The following PKNOX1 variants were observed in gnomAD, a reference collection of about 807,000 sequenced individuals.
PKNOX1 encodes homeobox protein PKNOX1.
PKNOX1 carries 15 observed loss-of-function variants against 51.9 expected under a neutral mutation model. That is an observed-to-expected ratio of 0.29 (90% confidence interval 0.19 to 0.45). The LOEUF (loss-of-function observed/expected upper bound fraction) is 0.45, where lower values mean the gene tolerates loss of function less well. PKNOX1 is among the 20% of genes least tolerant of loss of function. PKNOX1 has a pLI of 1.00. For missense variants in PKNOX1, 462 were observed against 547.5 expected (o/e 0.84, Z 1.56); for synonymous variants, 219 against 211.1 (o/e 1.04, Z -0.32).
chr21:43,004,576 TC>T, intron 2 of PKNOX1, 144 bp downstream of exon 2: 1 of 530,292 alleles, frequency 1.9e-6, no homozygotes, highest in Non-Finnish European at 3.3e-6. Flanking sequence ...ACATTCGTGT[TC>T]AGAAAAAAAG....
intron 3 of PKNOX1, among the ~76,000 whole-genome samples, chr21:43,008,760 CAG>C (rs1979110913): frequency 2.0e-5 from 3 of 151,438 alleles, no homozygotes; most frequent in African/African-American, 4.9e-5. Context: ...GTCTGAGTGA[CAG>C]AGAGTGAGGC....
intron 1 of PKNOX1, among the ~76,000 whole-genome samples, chr21:42,995,255 G>T: frequency 6.6e-6 from 1 of 151,954 alleles, no homozygotes. Flanking sequence ...TCTTTATAGA[G>T]TGCCTCTCAG....
Position 43,012,829 on chromosome 21 carries a change from A to G in PKNOX1, c.352-239A>G, listed in dbSNP as rs376343191. Among the ~76,000 whole-genome samples, 8 of 152,296 alleles carry G rather than the reference A, an allele frequency of 5.3e-5. No homozygotes were observed. The South Asian group carries it at 6.2e-4, about 12-fold the overall frequency. On this transcript the variant is annotated intron_variant, in intron 4 of 10. Transcript: ENST00000291547. ...GCCCACACACCTAGCACTGGGATGC[A>G]CCGAGGTCACCACCACGCGCCTTTG... is the stretch of plus-strand genomic sequence containing the variant.
chr21:43,024,329 C>T (rs1979896497), intron 8 of PKNOX1: 1 of 152,252 alleles, frequency 6.6e-6, no homozygotes, highest in South Asian at 2.1e-4. Context: ...GCCTCAGTCT[C>T]CTCTTCTGTA....
At chr21:43,027,132 A>C (rs544629319) in intron 9 of PKNOX1, among the ~76,000 whole-genome samples, 16 of 152,270 alleles carry the variant, frequency 1.1e-4, no homozygotes, top group African/African-American at 3.1e-4. Flanking sequence ...ATCCAGATAG[A>C]GAAGTCTGGC....
Position 43,008,678 on chromosome 21 carries a change from C to T in PKNOX1, c.179+1060C>T, listed in dbSNP as rs185952386. On this transcript the variant is annotated intron_variant, in intron 3 of 10. Transcript: ENST00000291547. ...CCTGTAGTCCCAGCTACTCTGGAGG[C>T]TGAGGTGGGAGAATCACTTGAACCC... Among the ~76,000 whole-genome samples the T allele has an allele frequency of 7.6e-3, 1,158 of 152,096 alleles. 9 individuals carry two copies. The highest frequency in any genetic ancestry group is 0.026 in the African/African-American group (1,061 of 41,462).
intron 5 of PKNOX1, among the ~76,000 whole-genome samples, chr21:43,016,309 G>T (rs778469531): frequency 6.6e-6 from 1 of 152,228 alleles, no homozygotes; most frequent in Non-Finnish European, 1.5e-5. Context: ...AGAAACATTT[G>T]CATGGGGCTC....
At chr21:43,009,993 A>G in intron 3 of PKNOX1, 60 bp from the exon 4 acceptor site, 1 of 1,133,102 alleles carries the variant, frequency 8.8e-7, no homozygotes, top group East Asian at 2.5e-5. Context: ...GCATACACGC[A>G]AAGACATTCT....
rs377196640 is a variant in PKNOX1, at chr21:43,011,829, A to G, written c.352-1239A>G. 5.3e-5 allele frequency among the ~76,000 whole-genome samples: 8 copies of G among 152,316 alleles called. No individual in the cohort carries two copies. In the South Asian group the frequency reaches 6.2e-4, roughly 12 times the overall value. On this transcript the variant is annotated intron_variant, in intron 4 of 10. Transcript: ENST00000291547. ...TTTTGTGGGTGAGTTATCTGACTTG[A>G]ATCTGTCTCCTCCTCTCTGAGATGA...
chr21:43,013,182 A>C lies in PKNOX1; in HGVS notation c.466A>C (p.Ser156Arg), dbSNP rs1979329586. ...TGCTTGTCTGAAAACAAAAATGAAC[A>C]GTGAAACTCTGTTGAGTGGAGAGCC... ...YIACLKTKMNSETLLSGEPGS... is the reference protein window; with the variant it reads ...YIACLKTKMNRETLLSGEPGS... Residue 156 changes from serine to arginine, a missense_variant, in exon 5 of 11, where the codon AGT becomes CGT. Around this residue, in one of 5 missense-constraint regions of PKNOX1, gnomAD observed 126 missense variants for 128.1 expected, o/e 0.98. Coordinates refer to ENST00000291547, the MANE Select transcript of PKNOX1 (RefSeq NM_004571.5). 1.9e-6 allele frequency: 3 copies of C among 1,613,882 alleles called. No individual in the cohort carries two copies. In the Admixed American group the frequency reaches 5.0e-5, roughly 27 times the overall value.
At chr21:42,983,059 T>C (rs11910337) in intron 1 of PKNOX1, among the ~76,000 whole-genome samples, 136,544 of 151,912 alleles carry the variant, frequency 0.9, 61,492 homozygotes, top group African/African-American at 0.92. Flanking sequence ...AGCTGCCCAC[T>C]GTTGCCTTTC....
chr21:43,006,082 A>G (rs1390532640), intron 2 of PKNOX1, among the ~76,000 whole-genome samples: 4 of 152,214 alleles, frequency 2.6e-5, no homozygotes, highest in Middle Eastern at 3.4e-3. Flanking sequence ...AAATACTGAA[A>G]TGAATCTTTT....
At chr21:43,019,870 A>G (rs1313566856) in intron 7 of PKNOX1, among the ~76,000 whole-genome samples, 2 of 145,920 alleles carry the variant, frequency 1.4e-5, no homozygotes, top group African/African-American at 5.1e-5. Flanking sequence ...CTTTTTTCCA[A>G]TCTTTTGTGT....
At chr21:42,994,900 C>G (rs373463370) in intron 1 of PKNOX1, among the ~76,000 whole-genome samples, 1 of 140,396 alleles carries the variant, frequency 7.1e-6, no homozygotes, top group Non-Finnish European at 1.6e-5. Context: ...TGTTTCTTTT[C>G]TTTTCTTTTT....
intron 7 of PKNOX1, 48 bp downstream of exon 7, chr21:43,018,278 A>T: frequency 2.6e-6 from 3 of 1,170,726 alleles, no homozygotes; most frequent in Non-Finnish European, 3.9e-6. Context: ...TGCTGCCCAC[A>T]TAGGGGCACA....
At chr21:42,992,162 C>T (rs890927085) in intron 1 of PKNOX1, among the ~76,000 whole-genome samples, 2 of 152,196 alleles carry the variant, frequency 1.3e-5, no homozygotes, top group African/African-American at 4.8e-5. Context: ...TGAATAATGC[C>T]GTAATTCATA....
chr21:43,021,211 G>C lies in PKNOX1; in HGVS notation c.721-92G>C. ...CTCGACTACAATCATTTCCCTGTCC[G>C]ATCCTTGGCTGTTTTCTCCACCTGC... On this transcript the variant is annotated intron_variant, in intron 7 of 10. Transcript: ENST00000291547. This position sits in a 1 kb window ranked among gnomAD's most constrained non-coding sequence, Gnocchi z 4.6. 2 of 1,055,486 alleles carry C rather than the reference G, an allele frequency of 1.9e-6. No individual in the cohort carries two copies. Among genetic ancestry groups the C allele is most frequent in the Non-Finnish European group, 2.8e-6 (2 of 726,842 alleles). 65.4% of individuals were successfully genotyped at this position (1,055,486 alleles called of 1,614,324 possible). A position where few individuals can be genotyped will look rare whatever the true frequency, so the allele number is the denominator to read the frequency against.
At chr21:42,999,680 C>T (rs542402330) in intron 1 of PKNOX1, among the ~76,000 whole-genome samples, 158 of 152,160 alleles carry the variant, frequency 1.0e-3, no homozygotes, top group African/African-American at 3.7e-3. Flanking sequence ...GGGGTTTCTC[C>T]ATGTTGGTCA....
intron 2 of PKNOX1, among the ~76,000 whole-genome samples, chr21:43,004,944 C>A (rs1417799873): frequency 2.0e-5 from 3 of 152,156 alleles, no homozygotes; most frequent in Non-Finnish European, 4.4e-5. Flanking sequence ...TCTCCATTGC[C>A]CTCCCACCAT....
Sources: allele counts gnomAD v4.1 joint callset (sites outside exome capture counted in the v4.1 genomes callset), GRCh38; gene constraint gnomAD v4.1.1; regional missense constraint gnomAD v4.1.1; non-coding constraint Gnocchi (gnomAD v3.1); transcripts MANE v1.5; gene names NCBI Gene and HGNC (gene_info 2026-07-23, HGNC 2026-07-21).